Variants in CRYBG3 observed in about 807,000 individuals in gnomAD.
The protein encoded by CRYBG3 is very large A-kinase anchor protein.
In CRYBG3, 127 loss-of-function variants were observed where a neutral mutation model predicts 244.2. The ratio of observed to expected loss-of-function variants is 0.52; its 90% CI spans 0.45 to 0.60. CRYBG3 has a LOEUF of 0.60. Among genes scored for constraint, CRYBG3 ranks in the 20% least tolerant of loss-of-function variants. The pLI, the probability that CRYBG3 is intolerant of heterozygous loss-of-function variation, is 0.00. For synonymous variants in CRYBG3, 1,132 were observed against 1,195.8 expected, an observed-to-expected ratio of 0.95 and a Z score of 1.10; for missense variants, 3,325 against 3,442.5, an observed-to-expected ratio of 0.97 and a Z score of 0.85.
intron 13 of CRYBG3, 48 bp from the exon 14 acceptor site, chr3:97,899,089 G>T (rs775092726): frequency 1.2e-6 from 2 of 1,600,734 alleles, no homozygotes; most frequent in East Asian, 4.5e-5. Context: ...TTGCTCAATT[G>T]TATATCACTT....
intron 15 of CRYBG3, 39 bp from the exon 16 acceptor site, chr3:97,912,127 AT>A (rs762432645): frequency 1.1e-4 from 127 of 1,113,600 alleles, no homozygotes; most frequent in Middle Eastern, 2.0e-4. Context: ...ATCTAAGACC[AT>A]TTTTTTTCTA....
In CRYBG3 at chr3:97,822,373, G is replaced by C; in HGVS notation, c.149+18G>C. 4 of 1,491,360 alleles carry C rather than the reference G, an allele frequency of 2.7e-6. No homozygotes were observed. Among genetic ancestry groups the C allele is most frequent in the Non-Finnish European group, 3.6e-6 (4 of 1,123,778 alleles). The allele number at this position is 1,491,360 out of a possible 1,614,324, so 92.4% of individuals were successfully genotyped here. ...GCTGCCAGGTGGGAGTCGAGGAGGGGGTCGCGGGGGGGCCCTGCACATATT... is the reference window on the plus strand; with the variant it reads ...GCTGCCAGGTGGGAGTCGAGGAGGGCGTCGCGGGGGGGCCCTGCACATATT... On this transcript the variant is annotated intron_variant, in intron 1 of 21. Coordinates refer to ENST00000389622, the MANE Select transcript of CRYBG3 (RefSeq NM_153605.4).
intron 19 of CRYBG3, 109 bp downstream of exon 19, chr3:97,937,017 T>C (rs1318201250): frequency 4.1e-6 from 5 of 1,213,524 alleles, no homozygotes; most frequent in African/African-American, 3.0e-5. Flanking sequence ...GCCATTTACA[T>C]AGTAGGGGGA....
At chr3:97,898,640 T>C (rs1211729663) in intron 12 of CRYBG3, among the ~76,000 whole-genome samples, 1 of 152,194 alleles carries the variant, frequency 6.6e-6, no homozygotes, top group East Asian at 1.9e-4. Flanking sequence ...CAATTTACTG[T>C]TGACAACTTT....
At chr3:97,900,524 A>C in intron 15 of CRYBG3, 39 bp downstream of exon 15, 1 of 1,288,714 alleles carries the variant, frequency 7.8e-7, no homozygotes, top group Non-Finnish European at 1.1e-6. Context: ...TAAATTGTTT[A>C]CTAAAAGCAT....
Position 97,864,593 on chromosome 3 carries a change from C to T in CRYBG3, c.593C>T (p.Ala198Val), listed in dbSNP as rs1476855826. Residue 198 changes from alanine (A) to valine (V), a missense_variant, in exon 3 of 22, where the codon GCT (alanine) becomes GTT (valine). Coordinates refer to ENST00000389622, the MANE Select transcript of CRYBG3 (RefSeq NM_153605.4). Reference protein sequence around the residue: ...QDSNSSELSDAFSLDTTQDSD... With the variant: ...QDSNSSELSDVFSLDTTQDSD... Reference sequence around the variant, plus strand: ...TCTAACTCATCCGAACTCTCAGATGCTTTTTCTTTGGATACAACACAAGAC... The same window carrying T: ...TCTAACTCATCCGAACTCTCAGATGTTTTTTCTTTGGATACAACACAAGAC... 5.2e-6 allele frequency: 8 copies of T among 1,535,782 alleles called. No homozygotes were observed. In the South Asian group the frequency reaches 5.9e-5, roughly 11 times the overall value.
At chr3:97,880,949 A>T in intron 6 of CRYBG3, 123 bp from the exon 7 acceptor site, 1 of 635,340 alleles carries the variant, frequency 1.6e-6, no homozygotes, top group Non-Finnish European at 2.5e-6. Context: ...AAATAGGGTT[A>T]TATGCTAATA....
In CRYBG3 at chr3:97,876,485, A is replaced by T; in HGVS notation, c.5291A>T (p.Asn1764Ile). The change falls in exon 4 of 22, where the codon AAT becomes ATT. Residue 1764 changes from asparagine to isoleucine, a missense_variant. Coordinates refer to ENST00000389622, the MANE Select transcript of CRYBG3 (RefSeq NM_153605.4). ...ATGCCCCTTGCATTAGAGGTAGTAA[A>T]TACTTACCAAAAAAATGCCAAAGGT... ...EVMPLALEVV[N>I]TYQKNAKGFT... The T allele has an allele frequency of 8.1e-7, 1 of 1,232,178 alleles. No homozygotes were observed. The highest frequency in any genetic ancestry group is 1.0e-6 in the Non-Finnish European group (1 of 987,976). 76.3% of individuals were successfully genotyped at this position (1,232,178 alleles called of 1,614,324 possible).
At chr3:97,851,743 G>A (rs1157617014) in intron 2 of CRYBG3, among the ~76,000 whole-genome samples, 1 of 152,212 alleles carries the variant, frequency 6.6e-6, no homozygotes, top group Non-Finnish European at 1.5e-5. Flanking sequence ...CCAAGACCTT[G>A]AAGGCAATGC....
At chr3:97,908,643 C>T (rs888545259) in intron 15 of CRYBG3, among the ~76,000 whole-genome samples, 14 of 152,276 alleles carry the variant, frequency 9.2e-5, no homozygotes, top group Admixed American at 2.6e-4. Context: ...ATGTGTGTCT[C>T]TGCACATGAG....
chr3:97,884,755 A>T (rs1403200450), intron 7 of CRYBG3, among the ~76,000 whole-genome samples: 1 of 152,130 alleles, frequency 6.6e-6, no homozygotes, highest in Non-Finnish European at 1.5e-5. Flanking sequence ...AATCTTTTTC[A>T]ATCAACTAGA....
intron 1 of CRYBG3, among the ~76,000 whole-genome samples, chr3:97,834,165 C>T (rs2038696734): frequency 6.6e-6 from 1 of 152,132 alleles, no homozygotes; most frequent in Non-Finnish European, 1.5e-5. Flanking sequence ...AACCATAGCA[C>T]TTGCATACTT....
At chr3:97,943,064 A>C in intron 21 of CRYBG3, 162 bp from the exon 22 acceptor site, 1 of 579,204 alleles carries the variant, frequency 1.7e-6, no homozygotes, top group Non-Finnish European at 3.0e-6. Flanking sequence ...TGAGGTGAAT[A>C]ATGGCTAAGC....
intron 7 of CRYBG3, among the ~76,000 whole-genome samples, chr3:97,886,373 G>A (rs909126323): frequency 4.6e-5 from 7 of 151,540 alleles, no homozygotes; most frequent in Admixed American, 1.3e-4. Context: ...TTAATGGAAC[G>A]AATCTTTAAA....
intron 2 of CRYBG3, among the ~76,000 whole-genome samples, chr3:97,861,077 G>C (rs1432454810): frequency 6.6e-6 from 1 of 151,844 alleles, no homozygotes; most frequent in Non-Finnish European, 1.5e-5. Flanking sequence ...GTCTAATTTA[G>C]AGAACTCAGT....
chr3:97,874,316 C>T lies in CRYBG3; in HGVS notation c.3122C>T (p.Ser1041Phe). The T allele has an allele frequency of 6.5e-7, 1 of 1,527,406 alleles. No individual in the cohort carries two copies. Among genetic ancestry groups the T allele is most frequent in the Non-Finnish European group, 8.7e-7 (1 of 1,144,710 alleles). The allele number at this position is 1,527,406 out of a possible 1,614,324, so 94.6% of individuals were successfully genotyped here. The change falls in exon 4 of 22, where the codon TCC (serine) becomes TTC (phenylalanine). Residue 1041 changes from serine (S) to phenylalanine (F), a missense_variant. Around this residue, in one of 4 missense-constraint regions of CRYBG3, gnomAD observed 1,526 missense variants for 1,443.2 expected, o/e 1.06. Transcript: ENST00000389622. ...TCTGTGCTGAAATTGGAAAAGAAATCCTCATCTTACAGAAAGAAAGAGAAC... is the reference window on the plus strand; with the variant it reads ...TCTGTGCTGAAATTGGAAAAGAAATTCTCATCTTACAGAAAGAAAGAGAAC... ...VPSVLKLEKKSSSYRKKENIH... is the reference protein window; with the variant it reads ...VPSVLKLEKKFSSYRKKENIH...
At chr3:97,942,955 G>A in intron 21 of CRYBG3, 2 of 364,620 alleles carry the variant, frequency 5.5e-6, no homozygotes. Context: ...GTTCTCTCAA[G>A]AGCACTTTGT....
At chr3:97,844,636 A>G (rs1232462874) in intron 2 of CRYBG3, among the ~76,000 whole-genome samples, 1 of 152,144 alleles carries the variant, frequency 6.6e-6, no homozygotes, top group East Asian at 1.9e-4. Context: ...TATTTTAGCT[A>G]TACTTTCACC....
chr3:97,902,799 A>G (rs2039721067), intron 15 of CRYBG3, among the ~76,000 whole-genome samples: 1 of 152,186 alleles, frequency 6.6e-6, no homozygotes, highest in African/African-American at 2.4e-5. Context: ...CAGGATCGCT[A>G]TAGAATTCTT....
Sources: gnomAD v4.1 joint callset for allele counts (sites outside exome capture counted in the v4.1 genomes callset) on GRCh38, gnomAD v4.1.1 for gene constraint, gnomAD v4.1.1 regional missense constraint, MANE v1.5 for transcripts, NCBI Gene and HGNC (gene_info 2026-07-23, HGNC 2026-07-21) for gene names.